Variants in BTN3A2 observed in about 807,000 individuals in gnomAD.
The protein encoded by BTN3A2 is butyrophilin protein.
In BTN3A2, 25 loss-of-function variants were observed where a neutral mutation model predicts 37.6. That is an observed-to-expected ratio of 0.66 (90% CI 0.48 to 0.93). The LOEUF (loss-of-function observed/expected upper bound fraction) is 0.93, where lower values mean the gene tolerates loss of function less well. Ranked by LOEUF, BTN3A2 falls within the 40% of genes least tolerant of loss-of-function variation. The pLI is 0.00. For missense variants in BTN3A2, 266 were observed against 410.9 expected, an observed-to-expected ratio of 0.65 and a Z score of 3.05; for synonymous variants, 122 against 159.4, an observed-to-expected ratio of 0.77 and a Z score of 1.77.
In BTN3A2 at chr6:26,372,904, C is replaced by T; in HGVS notation, c.723C>T (p.Phe241=). 1 of 1,613,508 alleles carries T rather than the reference C, an allele frequency of 6.2e-7. No homozygotes were observed. The highest frequency in any genetic ancestry group is 1.3e-5 in the African/African-American group (1 of 75,050). Residue 241 remains phenylalanine, a synonymous_variant, in exon 6 of 11, where the codon TTC becomes TTT. Coordinates refer to ENST00000377708, the MANE Select transcript of BTN3A2 (RefSeq NM_007047.5). ...CAGCTCTCCCCTTCGCAGACCCCTT[C>T]TTCAGGAGCGCCCAGCCCTGGATCG... The part of the protein sequence containing the change: ...KTASISIADP[F]FRSAQPWIAA...
At chr6:26,365,451 TC>T in intron 1 of BTN3A2, 99 bp downstream of exon 1, 1 of 1,351,132 alleles carries the variant, frequency 7.4e-7, no homozygotes, top group Non-Finnish European at 1.0e-6. Context: ...GAGAGTACTC[TC>T]CCAGAGAAAG....
At position 26,376,868 on chromosome 6, in the gene BTN3A2, T is replaced by C. The variant is rs373770692; in HGVS notation, c.*1106T>C. The C allele has an allele frequency of 2.2e-5, 36 of 1,614,000 alleles. No individual in the cohort carries two copies. The South Asian group carries it at 2.9e-4, about 13-fold the overall frequency. On this transcript the variant is annotated 3_prime_UTR_variant, in exon 11 of 11. Transcript: ENST00000377708. ...GATACTGGACTATGGGCCTGACTGA[T>C]GGGAATAAGTATCGGGCTCTCACTG... is the stretch of plus-strand genomic sequence containing the variant.
chr6:26,373,018 T>C lies in BTN3A2; in HGVS notation c.837T>C (p.Ala279=). Residue 279 remains alanine, a synonymous_variant, in exon 6 of 11, where the codon GCT becomes GCC. Transcript: ENST00000377708. ...FLWRQQKEIT[A]LSSEIESEQE... The stretch of plus-strand genomic sequence containing the variant: ...GGAGACAACAGAAGGAAATAACTGC[T>C]CTGTCCAGTGAGATAGAAAGTGAGC... The C allele has an allele frequency of 5.6e-6, 9 of 1,614,216 alleles. No individual in the cohort carries two copies. In the South Asian group the frequency reaches 6.6e-5, roughly 12 times the overall value.
At chr6:26,375,748 A>G (rs1760659298) in intron 10 of BTN3A2, 49 bp from the exon 11 acceptor site, 1 of 1,548,360 alleles carries the variant, frequency 6.5e-7, no homozygotes, top group Non-Finnish European at 8.7e-7. Context: ...AAATAATATG[A>G]TTGCCTTCTA....
In BTN3A2 at chr6:26,365,473, CCT is replaced by C. The variant is rs1581529054; in HGVS notation, c.-67+122_-67+123del. On this transcript the variant is annotated intron_variant, in intron 1 of 10. Transcript: ENST00000377708. ...CTCTCCCAGAGAAAGGGGTGCAGTG[CCT>C]GTGTGTGTGTGTGTGTGTGTGTGTG... The C allele has an allele frequency of 6.9e-6, 5 of 729,312 alleles. No homozygotes were observed. The East Asian group carries it at 1.3e-4, about 19-fold the overall frequency. The allele number at this position is 729,312 out of a possible 1,614,324, so 45.2% of individuals were successfully genotyped here. A position where few individuals can be genotyped will look rare whatever the true frequency, so the allele number is the denominator to read the frequency against.
chr6:26,369,253 G>T (rs1759851427), intron 4 of BTN3A2, among the ~76,000 whole-genome samples: 2 of 152,214 alleles, frequency 1.3e-5, no homozygotes, highest in African/African-American at 2.4e-5. Context: ...GGCTTCTGTT[G>T]TGTCTCCAAG....
chr6:26,370,670 T>A (rs987241308), intron 5 of BTN3A2, 67 bp downstream of exon 5: 4 of 1,597,158 alleles, frequency 2.5e-6, no homozygotes, highest in Non-Finnish European at 3.4e-6. Flanking sequence ...GGGGATGTGT[T>A]AATATCTGTG....
At chr6:26,373,537 A>G in intron 8 of BTN3A2, 124 bp downstream of exon 8, 1 of 1,087,924 alleles carries the variant, frequency 9.2e-7, no homozygotes, top group Non-Finnish European at 1.3e-6. Flanking sequence ...ACCCAGAAAA[A>G]GAAAACAAGT....
chr6:26,365,470 G>A, intron 1 of BTN3A2, 118 bp downstream of exon 1: 1 of 1,025,898 alleles, frequency 9.7e-7, no homozygotes, highest in East Asian at 2.7e-5. Context: ...AAGGGGTGCA[G>A]TGCCTGTGTG....
intron 10 of BTN3A2, 60 bp downstream of exon 10, chr6:26,374,858 C>A: frequency 2.8e-6 from 4 of 1,452,060 alleles, no homozygotes; most frequent in Non-Finnish European, 3.8e-6. Flanking sequence ...TTCCTTTTTC[C>A]TTTTTTCTTC....
intron 5 of BTN3A2, among the ~76,000 whole-genome samples, chr6:26,372,379 C>T (rs1275949554): frequency 6.6e-6 from 1 of 152,106 alleles, no homozygotes; most frequent in Non-Finnish European, 1.5e-5. Flanking sequence ...CCTCATTTTA[C>T]ATTAGTAGAT....
rs113005694 is a variant in BTN3A2, at chr6:26,374,537, C to A, written c.*6+164C>A. Reference sequence around the variant, plus strand: ...AGCCTCTGAGAAACTCCTGATCCTGCACACCCCCTTGTAAAGCCTGGCCAT... The same window carrying A: ...AGCCTCTGAGAAACTCCTGATCCTGAACACCCCCTTGTAAAGCCTGGCCAT... On this transcript the variant is annotated intron_variant, in intron 9 of 10. Coordinates refer to ENST00000377708, the MANE Select transcript of BTN3A2 (RefSeq NM_007047.5). 2.8e-5 allele frequency: 24 copies of A among 872,696 alleles called. No individual in the cohort carries two copies. In the African/African-American group the frequency reaches 3.7e-4, roughly 14 times the overall value. The allele number at this position is 872,696 out of a possible 1,614,324, so 54.1% of individuals were successfully genotyped here.
intron 5 of BTN3A2, among the ~76,000 whole-genome samples, chr6:26,371,724 G>T (rs1760136227): frequency 6.6e-6 from 1 of 151,886 alleles, no homozygotes; most frequent in Non-Finnish European, 1.5e-5. Context: ...TATTGCCCAG[G>T]CTTGAGTGCA....
chr6:26,371,526 C>T (rs766198912), intron 5 of BTN3A2, among the ~76,000 whole-genome samples: 2 of 152,168 alleles, frequency 1.3e-5, no homozygotes, highest in Non-Finnish European at 2.9e-5. Context: ...TTTTGATGTG[C>T]ATTAGGTCAA....
Position 26,373,048 on chromosome 6 carries a change from G to A in BTN3A2, c.867G>A (p.Glu289=). 1 of 1,614,222 alleles carries A rather than the reference G, an allele frequency of 6.2e-7. No homozygotes were observed. The highest frequency in any genetic ancestry group is 8.5e-7 in the Non-Finnish European group (1 of 1,180,048). ...ALSSEIESEQ[E]MKEMGYAATE... ...CCAGTGAGATAGAAAGTGAGCAAGA[G>A]ATGAAAGAAATGGGATATGCTGCAA... The change falls in exon 6 of 11, where the codon GAG becomes GAA. Residue 289 remains glutamate, a synonymous_variant. Coordinates refer to ENST00000377708, the MANE Select transcript of BTN3A2 (RefSeq NM_007047.5).
intron 4 of BTN3A2, among the ~76,000 whole-genome samples, chr6:26,369,140 C>T (rs1759838674): frequency 1.3e-5 from 2 of 152,100 alleles, no homozygotes; most frequent in African/African-American, 4.8e-5. Flanking sequence ...TTCCTCTGGC[C>T]ACCAGAGATA....
At chr6:26,375,564 A>C (rs1760638109) in intron 10 of BTN3A2, 1 of 1,407,758 alleles carries the variant, frequency 7.1e-7, no homozygotes, top group Admixed American at 2.1e-5. Context: ...AAGGGAGCCC[A>C]GTGGCACTGT....
At chr6:26,366,572 T>C (rs1173906931) in intron 1 of BTN3A2, among the ~76,000 whole-genome samples, 3 of 152,270 alleles carry the variant, frequency 2.0e-5, no homozygotes, top group Non-Finnish European at 4.4e-5. Context: ...GAGAAATTTT[T>C]AGCTTAGCTT....
chr6:26,365,403 G>A, intron 1 of BTN3A2, 51 bp downstream of exon 1: 1 of 1,533,758 alleles, frequency 6.5e-7, no homozygotes, highest in Non-Finnish European at 8.7e-7. Context: ...TGGGAGGAGC[G>A]GGGCTGAATC....
Sources: allele counts gnomAD v4.1 joint callset (sites outside exome capture counted in the v4.1 genomes callset), GRCh38; gene constraint gnomAD v4.1.1; transcripts MANE v1.5; gene names NCBI Gene and HGNC (gene_info 2026-07-23, HGNC 2026-07-21).